Variants in FSTL1 observed in about 807,000 individuals in gnomAD.
FSTL1 encodes the protein follistatin-related protein 1.
In FSTL1, 24 loss-of-function variants were observed where a neutral mutation model predicts 45.9. The observed-to-expected ratio is 0.52, with a 90% CI of 0.38 to 0.74. FSTL1 has a LOEUF of 0.74. Ranked by LOEUF, FSTL1 falls within the 30% of genes least tolerant of loss-of-function variation. FSTL1 has a pLI of 0.00. For synonymous variants in FSTL1, 120 were observed against 137.6 expected (o/e 0.87, Z 0.89); for missense variants, 340 against 381.8 (o/e 0.89, Z 0.91).
chr3:120,428,499 T>C (rs1937422594), intron 2 of FSTL1, among the ~76,000 whole-genome samples: 1 of 152,076 alleles, frequency 6.6e-6, no homozygotes, highest in African/African-American at 2.4e-5. Flanking sequence ...CTGGGAGGCC[T>C]AGGCAGGTGG....
intron 3 of FSTL1, among the ~76,000 whole-genome samples, chr3:120,412,834 G>GCACACACACA (rs1314293203): frequency 7.7e-5 from 6 of 77,542 alleles, no homozygotes; most frequent in East Asian, 3.8e-4. Context: ...GCGCGCGCGC[G>GCACACACACA]CGCGCACACA....
At chr3:120,412,819 T>TGC (rs67648835) in intron 3 of FSTL1, among the ~76,000 whole-genome samples, 1,000 of 68,648 alleles carry the variant, frequency 0.015, 7 homozygotes, top group Admixed American at 0.027. Context: ...CACACACATG[T>TGC]GCGCGCGCGC....
intron 2 of FSTL1, among the ~76,000 whole-genome samples, chr3:120,442,432 G>A (rs1317752189): frequency 1.3e-5 from 2 of 152,186 alleles, no homozygotes; most frequent in Non-Finnish European, 2.9e-5. Context: ...CTCTTTCATT[G>A]TTCTACAGCG....
intron 2 of FSTL1, among the ~76,000 whole-genome samples, chr3:120,439,693 G>A (rs1937608506): frequency 6.6e-6 from 1 of 152,222 alleles, no homozygotes; most frequent in Non-Finnish European, 1.5e-5. Context: ...TGACACACTT[G>A]TGCAGTGAAC....
rs12173 is a variant in FSTL1, at chr3:120,396,012, C to A, written c.*940G>T. On this transcript the variant is annotated 3_prime_UTR_variant, in exon 11 of 11. Transcript: ENST00000295633. ...ATGAAGATGCTTCTTCCCCTGGCTT[C>A]GGTCTAAGGCACCCTTGCTCCTCTG... 0.28 allele frequency: 76,014 copies of A among 275,320 alleles called. 12,284 individuals carry two copies. The highest frequency in any genetic ancestry group is 0.35 in the Non-Finnish European group (51,273 of 145,444). 17.1% of individuals were successfully genotyped at this position (275,320 alleles called of 1,614,324 possible).
chr3:120,432,888 C>T (rs571954213), intron 2 of FSTL1, among the ~76,000 whole-genome samples: 2 of 152,200 alleles, frequency 1.3e-5, no homozygotes, highest in Non-Finnish European at 2.9e-5. Flanking sequence ...GAACGTTCCC[C>T]AGAATGAGAC....
chr3:120,427,540 C>T (rs1485144329), intron 2 of FSTL1, among the ~76,000 whole-genome samples: 1 of 152,148 alleles, frequency 6.6e-6, no homozygotes, highest in East Asian at 1.9e-4. Context: ...GGGGCTGCTC[C>T]CTCCCAGAAC....
intron 2 of FSTL1, among the ~76,000 whole-genome samples, chr3:120,447,793 C>T (rs756121025): frequency 2.0e-5 from 3 of 152,098 alleles, no homozygotes; most frequent in Non-Finnish European, 4.4e-5. Context: ...GGACCAGAGG[C>T]GTGTGTGCTA....
chr3:120,436,173 A>C (rs572768303), intron 2 of FSTL1, among the ~76,000 whole-genome samples: 28 of 152,340 alleles, frequency 1.8e-4, no homozygotes, highest in African/African-American at 6.3e-4. Context: ...AAAAAACACA[A>C]AGACTCTTCT....
chr3:120,427,112 AC>A (rs1201175374), intron 2 of FSTL1, among the ~76,000 whole-genome samples: 1 of 152,164 alleles, frequency 6.6e-6, no homozygotes, highest in Non-Finnish European at 1.5e-5. Flanking sequence ...CCACAAGACC[AC>A]CTAAAAAAAT....
chr3:120,396,885 T>A lies in FSTL1; in HGVS notation c.*67A>T. ...ATTTGGCGACTGTAGCAGACACTTG[T>A]GTATACTGAACTCAGCGCTGAAGTG... is the stretch of plus-strand genomic sequence containing the variant. On this transcript the variant is annotated 3_prime_UTR_variant, in exon 11 of 11. Coordinates refer to ENST00000295633, the MANE Select transcript of FSTL1 (RefSeq NM_007085.5). The A allele has an allele frequency of 9.2e-7, 1 of 1,083,124 alleles. No homozygotes were observed. The highest frequency in any genetic ancestry group is 1.4e-6 in the Non-Finnish European group (1 of 696,546). 67.1% of individuals were successfully genotyped at this position (1,083,124 alleles called of 1,614,324 possible).
intron 2 of FSTL1, among the ~76,000 whole-genome samples, chr3:120,425,348 G>A (rs924366565): frequency 5.6e-5 from 8 of 143,300 alleles, no homozygotes; most frequent in African/African-American, 1.5e-4. Flanking sequence ...TTTGGCAAAT[G>A]TCGGGATAAA....
At chr3:120,430,200 C>T (rs541599471) in intron 2 of FSTL1, among the ~76,000 whole-genome samples, 1 of 152,306 alleles carries the variant, frequency 6.6e-6, no homozygotes, top group South Asian at 2.1e-4. Flanking sequence ...GTAAGGCCCA[C>T]CCAGAGTGCG....
intron 3 of FSTL1, among the ~76,000 whole-genome samples, chr3:120,413,776 ACTCCCTCTCCCTCTCCCCCTCCCC>A (rs1559737409): frequency 1.9e-4 from 7 of 35,924 alleles, no homozygotes; most frequent in South Asian, 1.5e-3. Flanking sequence ...TAAAAAAAAA[ACTCCCTCTCCCTCTCCCCCTCCCC>A]CTCCCTCTCC....
At chr3:120,398,668 G>A (rs987878551) in intron 10 of FSTL1, among the ~76,000 whole-genome samples, 18 of 152,074 alleles carry the variant, frequency 1.2e-4, no homozygotes, top group Admixed American at 9.2e-4. Flanking sequence ...TCTCCCTCTG[G>A]TGTTTCCTGG....
In FSTL1 at chr3:120,443,670, A is replaced by G. The variant is rs999331474; in HGVS notation, c.63+7014T>C. On this transcript the variant is annotated intron_variant, in intron 2 of 10. Transcript: ENST00000295633. The stretch of plus-strand genomic sequence containing the variant: ...TAAATCTGGGCCTGCAACATGTGAT[A>G]GCTTTTGTCATGTATCATATGACCT... Among the ~76,000 whole-genome samples the G allele has an allele frequency of 4.7e-5, 7 of 149,858 alleles. 1 individual carries two copies. Among genetic ancestry groups the G allele is most frequent in the Middle Eastern group, 6.8e-3 (2 of 294 alleles).
intron 2 of FSTL1, among the ~76,000 whole-genome samples, chr3:120,430,278 A>G (rs1000821797): frequency 1.3e-5 from 2 of 152,130 alleles, no homozygotes; most frequent in Non-Finnish European, 2.9e-5. Flanking sequence ...ACAGTTACTC[A>G]TTGACTCAGG....
chr3:120,434,437 G>A (rs1937519929), intron 2 of FSTL1, among the ~76,000 whole-genome samples: 1 of 152,148 alleles, frequency 6.6e-6, no homozygotes, highest in African/African-American at 2.4e-5. Flanking sequence ...AGTTTATGAG[G>A]TGAGTTCAGC....
chr3:120,450,795 G>A, intron 1 of FSTL1, 49 bp from the exon 2 acceptor site: 1 of 1,369,982 alleles, frequency 7.3e-7, no homozygotes, highest in Non-Finnish European at 9.8e-7. Flanking sequence ...GCCCCGCGCT[G>A]ACCTGGGAAA....
Sources: gnomAD v4.1 joint callset for allele counts (sites outside exome capture counted in the v4.1 genomes callset) on GRCh38, gnomAD v4.1.1 for gene constraint, MANE v1.5 for transcripts, NCBI Gene and HGNC (gene_info 2026-07-23, HGNC 2026-07-21) for gene names.